Variants in FRMD4A observed in about 807,000 individuals in gnomAD.
FRMD4A encodes FERM domain containing 4A.
Under a neutral mutation model 129.1 loss-of-function variants are expected in FRMD4A, and 29 were observed. The ratio of observed to expected loss-of-function variants is 0.22; its 90% confidence interval spans 0.17 to 0.31. The LOEUF (loss-of-function observed/expected upper bound fraction) is 0.31, where lower values mean the gene tolerates loss of function less well. FRMD4A is among the 10% of genes least tolerant of loss of function. FRMD4A has a pLI of 1.00. For missense variants in FRMD4A, 1,272 were observed against 1,375.8 expected (o/e 0.92, Z 1.19); for synonymous variants, 634 against 571.6 (o/e 1.11, Z -1.56).
intron 17 of FRMD4A, among the ~76,000 whole-genome samples, chr10:13,669,989 T>C (rs940042434): frequency 2.6e-5 from 4 of 152,190 alleles, no homozygotes; most frequent in Non-Finnish European, 5.9e-5. Context: ...CCCCAGCCAA[T>C]GTACCCTTGC....
chr10:13,749,554 C>A (rs982577524), intron 8 of FRMD4A, among the ~76,000 whole-genome samples: 2 of 152,148 alleles, frequency 1.3e-5, no homozygotes, highest in Admixed American at 6.5e-5. Flanking sequence ...CAATGATCAG[C>A]GTCACCATTG....
intron 2 of FRMD4A, among the ~76,000 whole-genome samples, chr10:14,327,944 C>T (rs1843344868): frequency 6.6e-6 from 1 of 152,184 alleles, no homozygotes; most frequent in Admixed American, 6.5e-5. Context: ...TAAATGGCCT[C>T]TTTTCCTCCT....
intron 2 of FRMD4A, among the ~76,000 whole-genome samples, chr10:14,150,483 T>G (rs1033422358): frequency 2.0e-5 from 3 of 152,198 alleles, no homozygotes; most frequent in African/African-American, 7.2e-5. Context: ...GGCTGAACTG[T>G]TCTAGATTAC....
chr10:14,128,031 C>CT (rs1838997527), intron 2 of FRMD4A, among the ~76,000 whole-genome samples: 1 of 132,536 alleles, frequency 7.5e-6, no homozygotes, highest in African/African-American at 3.0e-5. Flanking sequence ...TTCCTTCCTT[C>CT]CTTCCTTTCT....
chr10:13,862,746 G>A (rs1469832238), intron 2 of FRMD4A, among the ~76,000 whole-genome samples: 2 of 152,184 alleles, frequency 1.3e-5, no homozygotes, highest in African/African-American at 2.4e-5. Flanking sequence ...GCACCTGCCT[G>A]TTGTTCCATA....
At chr10:14,043,801 T>C (rs113033427) in intron 2 of FRMD4A, among the ~76,000 whole-genome samples, 1 of 152,186 alleles carries the variant, frequency 6.6e-6, no homozygotes, top group Admixed American at 6.5e-5. Flanking sequence ...ATCATTCAAC[T>C]AGGTGTCCGG....
In FRMD4A at chr10:14,179,184, C is replaced by G. The variant is rs78970087; in HGVS notation, c.45+150874G>C. ...ATTTTTGAGGTTAATTTATTTAGGC[C>G]CCTTAGAGTCTCTGGGGATCATAGC... On this transcript the variant is annotated intron_variant, in intron 2 of 24. Transcript: ENST00000357447. Among the ~76,000 whole-genome samples, 516 of 152,088 alleles carry G rather than the reference C, an allele frequency of 3.4e-3. 1 individual carries two copies. The highest frequency in any genetic ancestry group is 5.8e-3 in the Non-Finnish European group (393 of 68,018).
intron 6 of FRMD4A, among the ~76,000 whole-genome samples, chr10:13,770,807 C>T (rs1014289065): frequency 1.3e-5 from 2 of 152,108 alleles, no homozygotes; most frequent in Non-Finnish European, 2.9e-5. Flanking sequence ...AAGCTTGTTT[C>T]TTGAAAGTTG....
chr10:14,281,087 G>A (rs1466611268), intron 2 of FRMD4A, among the ~76,000 whole-genome samples: 1 of 146,284 alleles, frequency 6.8e-6, no homozygotes. Context: ...CCACCTCCTG[G>A]GTTCAAGTGA....
chr10:14,075,508 T>C (rs996694254), intron 2 of FRMD4A, among the ~76,000 whole-genome samples: 2 of 152,218 alleles, frequency 1.3e-5, no homozygotes, highest in Admixed American at 1.3e-4. Context: ...CTGTCGTTGC[T>C]CCTTCCAACA....
intron 8 of FRMD4A, among the ~76,000 whole-genome samples, chr10:13,760,374 C>G (rs1249241166): frequency 6.6e-6 from 1 of 152,006 alleles, no homozygotes; most frequent in African/African-American, 2.4e-5. Context: ...AAATAATTAG[C>G]CCGGTGCAGT....
intron 3 of FRMD4A, among the ~76,000 whole-genome samples, chr10:13,824,635 G>A (rs1417085201): frequency 6.6e-6 from 1 of 152,114 alleles, no homozygotes; most frequent in Admixed American, 6.5e-5. Flanking sequence ...GCTCACACCT[G>A]TAATCCCAGC....
At chr10:13,783,115 T>C (rs1200874138) in intron 5 of FRMD4A, 109 bp from the exon 6 acceptor site, 1 of 685,800 alleles carries the variant, frequency 1.5e-6, no homozygotes, top group African/African-American at 1.8e-5. Flanking sequence ...CCATCCTAAA[T>C]AAACAAAGGA....
intron 2 of FRMD4A, among the ~76,000 whole-genome samples, chr10:13,916,678 A>G (rs1022015050): frequency 1.4e-4 from 21 of 152,286 alleles, no homozygotes; most frequent in African/African-American, 4.8e-4. Context: ...TACAATGTAG[A>G]ATTCAAATCT....
intron 8 of FRMD4A, among the ~76,000 whole-genome samples, chr10:13,759,923 CATTTGAG>C (rs910929481): frequency 3.3e-5 from 5 of 151,932 alleles, no homozygotes; most frequent in Admixed American, 6.6e-5. Context: ...GAAGAGATGG[CATTTGAG>C]ATCAGAGTCA....
chr10:14,026,013 G>T (rs1467849453), intron 2 of FRMD4A, among the ~76,000 whole-genome samples: 1 of 152,116 alleles, frequency 6.6e-6, no homozygotes, highest in Non-Finnish European at 1.5e-5. Flanking sequence ...ATCAGCCTTC[G>T]TCTAGCAAGC....
chr10:13,770,913 T>C (rs545848249), intron 6 of FRMD4A, among the ~76,000 whole-genome samples: 1 of 152,326 alleles, frequency 6.6e-6, no homozygotes, highest in South Asian at 2.1e-4. Context: ...CTCTAGAATG[T>C]GATTCTGGGC....
chr10:13,993,261 G>A (rs1316878663), intron 2 of FRMD4A, among the ~76,000 whole-genome samples: 2 of 152,156 alleles, frequency 1.3e-5, no homozygotes, highest in African/African-American at 2.4e-5. Flanking sequence ...ATTTGACATC[G>A]TGGTGAGATC....
chr10:13,858,081 T>A (rs577012417), intron 3 of FRMD4A, among the ~76,000 whole-genome samples: 1 of 152,162 alleles, frequency 6.6e-6, no homozygotes, highest in Non-Finnish European at 1.5e-5. Context: ...CGCTTAGCAC[T>A]TAGAAAGAGG....
Sources: gnomAD v4.1 joint callset for allele counts (sites outside exome capture counted in the v4.1 genomes callset) on GRCh38, gnomAD v4.1.1 for gene constraint, MANE v1.5 for transcripts, NCBI Gene and HGNC (gene_info 2026-07-23, HGNC 2026-07-21) for gene names.